FSTL4: variants seen among roughly 807,000 people sequenced by gnomAD.
FSTL4 encodes the protein follistatin like 4.
Under a neutral mutation model 78.2 loss-of-function variants are expected in FSTL4, and 28 were observed. That is an observed-to-expected ratio of 0.36 (90% CI 0.27 to 0.49). The LOEUF is 0.49. FSTL4 is among the 20% of genes least tolerant of loss of function. The probability of loss-of-function intolerance (pLI) is 0.98; values close to 1 mark genes in which losing one functional copy is unlikely to be tolerated. For synonymous variants in FSTL4, 422 were observed against 440.5 expected, an observed-to-expected ratio of 0.96 and a Z score of 0.53; for missense variants, 922 against 1,084.9, an observed-to-expected ratio of 0.85 and a Z score of 2.11.
the FSTL4 span, among the ~76,000 whole-genome samples, chr5:133,667,630 G>A: frequency 9.2e-5 from 14 of 152,218 alleles, no homozygotes; most frequent in East Asian, 1.9e-4. Context: ...GCTCCTCTTC[G>A]GATATCTGCA....
In FSTL4 at chr5:133,199,262, A is replaced by G. The variant is rs1032092133; in HGVS notation, c.2362T>C (p.Trp788Arg). 6.2e-7 allele frequency: 1 copy of G among 1,613,892 alleles called. No individual in the cohort carries two copies. The highest frequency in any genetic ancestry group is 8.5e-7 in the Non-Finnish European group (1 of 1,179,780). Residue 788 changes from tryptophan (W) to arginine (R), a missense_variant, in exon 16 of 16, where the codon TGG becomes CGG. Trp to Arg is a moderately radical substitution (Grantham distance 101). Coordinates refer to ENST00000265342, the MANE Select transcript of FSTL4 (RefSeq NM_015082.2). This position sits in a 1 kb window ranked among gnomAD's most constrained non-coding sequence, Gnocchi z 4.4. Reference protein sequence around the residue: ...KEPPAGPAQPWGGTHRIMRDS... With the variant: ...KEPPAGPAQPRGGTHRIMRDS... ...CTCATGATTCTGTGGGTACCCCCCC[A>G]GGGCTGAGCTGGCCCTGCGGGTGGC...
intron 13 of FSTL4, among the ~76,000 whole-genome samples, chr5:133,212,488 C>A (rs1410542072): frequency 6.6e-6 from 1 of 152,194 alleles, no homozygotes; most frequent in Non-Finnish European, 1.5e-5. Context: ...TCAGTCTCTA[C>A]TCTCTTTGCC....
intron 3 of FSTL4, among the ~76,000 whole-genome samples, chr5:133,488,279 G>A (rs1216887260): frequency 6.6e-6 from 1 of 152,070 alleles, no homozygotes; most frequent in East Asian, 1.9e-4. Context: ...TTTTGAGATG[G>A]AGTCTCACCC....
chr5:133,475,861 T>C (rs779570097), intron 3 of FSTL4, among the ~76,000 whole-genome samples: 24 of 152,180 alleles, frequency 1.6e-4, no homozygotes, highest in Non-Finnish European at 2.6e-4. Context: ...TCTGCTACCC[T>C]GCTCTCACGC....
chr5:133,783,545 G>A, the FSTL4 span, among the ~76,000 whole-genome samples: 4 of 152,150 alleles, frequency 2.6e-5, no homozygotes, highest in Admixed American at 6.5e-5. Context: ...AGTGGAAAAC[G>A]GTGGAATCTC....
At chr5:133,763,603 C>A in the FSTL4 span, among the ~76,000 whole-genome samples, 1 of 152,190 alleles carries the variant, frequency 6.6e-6, no homozygotes, top group African/African-American at 2.4e-5. Flanking sequence ...AGCAGGATCC[C>A]ATCCAGCACA....
the FSTL4 span, among the ~76,000 whole-genome samples, chr5:133,819,618 G>A: frequency 2.6e-5 from 4 of 152,312 alleles, no homozygotes; most frequent in Non-Finnish European, 4.4e-5. Context: ...TAGGTGACCC[G>A]AGAAATTCAC....
chr5:133,815,480 T>C, the FSTL4 span, among the ~76,000 whole-genome samples: 570 of 152,280 alleles, frequency 3.7e-3, 4 homozygotes, highest in African/African-American at 0.013. Context: ...CCGTGGTTTA[T>C]GGGAGCAATG....
chr5:133,317,900 C>T (rs780209660), intron 4 of FSTL4, among the ~76,000 whole-genome samples: 17 of 152,238 alleles, frequency 1.1e-4, no homozygotes, highest in South Asian at 2.1e-4. Context: ...GAGCAATCAT[C>T]AGGGAAGCTA....
At chr5:133,249,924 GC>G (rs1399965882) in intron 6 of FSTL4, among the ~76,000 whole-genome samples, 1 of 152,208 alleles carries the variant, frequency 6.6e-6, no homozygotes, top group East Asian at 1.9e-4. Flanking sequence ...GGGGTGCAGC[GC>G]CCTGCTCACA....
At chr5:133,730,402 C>T in the FSTL4 span, among the ~76,000 whole-genome samples, 1 of 152,202 alleles carries the variant, frequency 6.6e-6, no homozygotes, top group Non-Finnish European at 1.5e-5. Flanking sequence ...CTAGACGGGA[C>T]TCAGGAGACC....
the FSTL4 span, among the ~76,000 whole-genome samples, chr5:133,817,337 T>C: frequency 6.6e-6 from 1 of 152,164 alleles, no homozygotes; most frequent in Non-Finnish European, 1.5e-5. Context: ...TTCCACTGTA[T>C]CAGTCACAGT....
intron 2 of FSTL4, among the ~76,000 whole-genome samples, chr5:133,574,669 T>C (rs1760236557): frequency 2.0e-5 from 3 of 152,210 alleles, no homozygotes; most frequent in Non-Finnish European, 4.4e-5. Flanking sequence ...CAGCATGATA[T>C]GTAATGCAAA....
intron 3 of FSTL4, among the ~76,000 whole-genome samples, chr5:133,566,416 G>A (rs894094824): frequency 2.6e-5 from 4 of 152,148 alleles, no homozygotes; most frequent in African/African-American, 9.7e-5. Flanking sequence ...CAGTACCACA[G>A]AGAAGGATGT....
the FSTL4 span, among the ~76,000 whole-genome samples, chr5:133,772,819 T>C: frequency 6.6e-6 from 1 of 152,228 alleles, no homozygotes; most frequent in East Asian, 1.9e-4. Context: ...CACTGTTGCA[T>C]TGGGGATTAA....
chr5:133,483,274 C>T (rs1418040691), intron 3 of FSTL4, among the ~76,000 whole-genome samples: 1 of 152,116 alleles, frequency 6.6e-6, no homozygotes, highest in Non-Finnish European at 1.5e-5. Flanking sequence ...TTGTAAATTG[C>T]CCAGTCTTGG....
the FSTL4 span, among the ~76,000 whole-genome samples, chr5:133,765,491 G>A: frequency 6.6e-6 from 1 of 152,310 alleles, no homozygotes; most frequent in South Asian, 2.1e-4. Context: ...CAGCCAGCAA[G>A]GGACACCTCA....
rs1022030434 is a variant in FSTL4, at chr5:133,607,158, A to G, written c.-10-3165T>C. On this transcript the variant is annotated intron_variant, in intron 1 of 15. Coordinates refer to ENST00000265342, the MANE Select transcript of FSTL4 (RefSeq NM_015082.2). ...AGTTTAGCTCAGTCTGTCTACCACT[A>G]GCTGTGATTTCATTTGCACTGTGGA... is the stretch of plus-strand genomic sequence containing the variant. Among the ~76,000 whole-genome samples the G allele has an allele frequency of 2.6e-5, 4 of 152,340 alleles. No homozygotes were observed. In the South Asian group the frequency reaches 8.3e-4, roughly 32 times the overall value.
intron 4 of FSTL4, among the ~76,000 whole-genome samples, chr5:133,399,620 G>A (rs1403714895): frequency 6.6e-6 from 1 of 152,248 alleles, no homozygotes. Flanking sequence ...GTGGGGTTCT[G>A]TGAGGGTGAG....
Sources: gnomAD v4.1 joint callset for allele counts (sites outside exome capture counted in the v4.1 genomes callset) on GRCh38, gnomAD v4.1.1 for gene constraint, Gnocchi (gnomAD v3.1) non-coding constraint, MANE v1.5 for transcripts, NCBI Gene and HGNC (gene_info 2026-07-23, HGNC 2026-07-21) for gene names.